ASTN1: variants seen among roughly 807,000 people sequenced by gnomAD.
The protein encoded by ASTN1 is astrotactin 1.
Under a neutral mutation model 140.7 loss-of-function variants are expected in ASTN1, and 41 were observed. The ratio of observed to expected loss-of-function variants is 0.29; its 90% CI spans 0.23 to 0.38. ASTN1 has a LOEUF of 0.38. ASTN1 is among the 10% of genes least tolerant of loss of function. ASTN1 has a pLI of 1.00. For missense variants in ASTN1, 1,479 were observed against 1,678.8 expected (o/e 0.88, Z 2.08); for synonymous variants, 640 against 652.2 (o/e 0.98, Z 0.29).
chr1:176,875,421 C>T (rs1249597064), intron 21 of ASTN1, among the ~76,000 whole-genome samples: 1 of 152,064 alleles, frequency 6.6e-6, no homozygotes, highest in African/African-American at 2.4e-5. Context: ...TAAGAAGGGC[C>T]CTTGATATGA....
At chr1:176,940,444 G>A (rs1671668169) in intron 14 of ASTN1, among the ~76,000 whole-genome samples, 4 of 152,168 alleles carry the variant, frequency 2.6e-5, no homozygotes, top group African/African-American at 4.8e-5. Flanking sequence ...TCCAACCAGA[G>A]AAAGTACAAT....
chr1:177,140,842 A>AT lies in ASTN1; in HGVS notation c.283+23551dup, dbSNP rs1185893485. The stretch of plus-strand genomic sequence containing the variant: ...TGGGGTCAGGTAGACTGAAGGATGT[A>AT]TTTTTTTCTCTCACTTTCTTAGCTG... On this transcript the variant is annotated intron_variant, in intron 1 of 22. Coordinates refer to ENST00000361833, the MANE Select transcript of ASTN1 (RefSeq NM_004319.3). Among the ~76,000 whole-genome samples the AT allele has an allele frequency of 2.0e-5, 3 of 152,244 alleles. No homozygotes were observed. In the East Asian group the frequency reaches 5.8e-4, roughly 29 times the overall value.
chr1:177,164,189 C>A (rs1376830794), intron 1 of ASTN1, among the ~76,000 whole-genome samples: 11 of 152,044 alleles, frequency 7.2e-5, no homozygotes, highest in Admixed American at 7.2e-4. Flanking sequence ...GCTCAGCATC[C>A]AGGTCGGATT....
At chr1:176,996,829 A>C (rs1052389424) in intron 8 of ASTN1, among the ~76,000 whole-genome samples, 13 of 152,068 alleles carry the variant, frequency 8.5e-5, no homozygotes, top group African/African-American at 3.1e-4. Context: ...ATTAGGCAAG[A>C]GGCTGGAGTT....
At chr1:177,023,651 C>A (rs1023775876) in intron 6 of ASTN1, 80 bp from the exon 7 acceptor site, 5 of 1,397,046 alleles carry the variant, frequency 3.6e-6, no homozygotes, top group Non-Finnish European at 4.8e-6. Flanking sequence ...AAGGAAATCC[C>A]AACCTGAGAA....
At chr1:176,857,576 A>G (rs755386295), downstream of ASTN1, 17 of 575,402 alleles carry the variant, frequency 3.0e-5, no homozygotes, top group Admixed American at 5.1e-4. Flanking sequence ...GAGAAGGGGA[A>G]ATACCCTGGC....
chr1:176,878,017 T>C (rs1292819835), intron 20 of ASTN1, among the ~76,000 whole-genome samples: 1 of 152,184 alleles, frequency 6.6e-6, no homozygotes, highest in African/African-American at 2.4e-5. Context: ...ATCCACAGAA[T>C]GGTCAGTGTG....
intron 2 of ASTN1, among the ~76,000 whole-genome samples, chr1:177,033,797 G>A (rs536729724): frequency 6.4e-4 from 98 of 152,168 alleles, no homozygotes; most frequent in African/African-American, 2.3e-3. Context: ...CCACTCTGTC[G>A]ACTGCCAGAG....
chr1:177,112,150 T>G (rs1202643801), intron 1 of ASTN1, among the ~76,000 whole-genome samples: 1 of 152,254 alleles, frequency 6.6e-6, no homozygotes, highest in African/African-American at 2.4e-5. Context: ...TTTTGCTTTT[T>G]CAGTGGAAAC....
At chr1:176,875,966 A>C (rs1668542103) in intron 21 of ASTN1, among the ~76,000 whole-genome samples, 1 of 152,194 alleles carries the variant, frequency 6.6e-6, no homozygotes, top group South Asian at 2.1e-4. Flanking sequence ...ATGTTGACTG[A>C]AGTCAAGTTT....
chr1:177,078,589 A>G (rs1045547535), intron 1 of ASTN1, among the ~76,000 whole-genome samples: 10 of 152,188 alleles, frequency 6.6e-5, no homozygotes, highest in African/African-American at 2.4e-4. Context: ...GTTATAAAAA[A>G]TGCTTATTTA....
chr1:176,874,154 G>A (rs914083266), intron 21 of ASTN1, among the ~76,000 whole-genome samples: 9 of 152,134 alleles, frequency 5.9e-5, no homozygotes, highest in African/African-American at 2.2e-4. Flanking sequence ...GCACCTTCTC[G>A]CTACCTGCCT....
chr1:176,906,215 A>G (rs923107802), intron 16 of ASTN1, among the ~76,000 whole-genome samples: 1 of 152,178 alleles, frequency 6.6e-6, no homozygotes, highest in East Asian at 1.9e-4. Flanking sequence ...AATGGATACA[A>G]GGAGACTTGG....
At chr1:177,061,495 AC>A (rs2102034087) in intron 1 of ASTN1, among the ~76,000 whole-genome samples, 1 of 152,314 alleles carries the variant, frequency 6.6e-6, no homozygotes, top group Admixed American at 6.5e-5. Flanking sequence ...AATCTAGTGA[AC>A]CAGGCTCTCA....
chr1:177,100,938 C>G (rs1156971089), intron 1 of ASTN1, among the ~76,000 whole-genome samples: 1 of 152,008 alleles, frequency 6.6e-6, no homozygotes, highest in African/African-American at 2.4e-5. Flanking sequence ...AATAAAAATA[C>G]AAAAATTAGC....
chr1:177,030,232 A>G (rs1017667982), intron 4 of ASTN1, among the ~76,000 whole-genome samples: 2 of 152,252 alleles, frequency 1.3e-5, no homozygotes, highest in African/African-American at 4.8e-5. Flanking sequence ...AATCCTTTAA[A>G]TCAGAGATAA....
intron 1 of ASTN1, among the ~76,000 whole-genome samples, chr1:177,101,743 A>G (rs1680309681): frequency 6.6e-6 from 1 of 152,228 alleles, no homozygotes; most frequent in Non-Finnish European, 1.5e-5. Flanking sequence ...CTCTAAAAAC[A>G]TGATAGGGAG....
intron 16 of ASTN1, among the ~76,000 whole-genome samples, chr1:176,913,370 T>C (rs1411148770): frequency 6.6e-6 from 1 of 152,222 alleles, no homozygotes; most frequent in Non-Finnish European, 1.5e-5. Flanking sequence ...TTTCTGATGC[T>C]ATTGATAGGT....
intron 1 of ASTN1, among the ~76,000 whole-genome samples, chr1:177,127,460 C>T (rs1298017856): frequency 6.6e-6 from 1 of 152,200 alleles, no homozygotes; most frequent in African/African-American, 2.4e-5. Flanking sequence ...CATGCCCATG[C>T]CTTCTCCATA....
Sources: allele counts gnomAD v4.1 joint callset (sites outside exome capture counted in the v4.1 genomes callset), GRCh38; gene constraint gnomAD v4.1.1; transcripts MANE v1.5; gene names NCBI Gene and HGNC (gene_info 2026-07-23, HGNC 2026-07-21).